The following COMMD1 variants were observed in gnomAD, a reference collection of about 807,000 sequenced individuals.
The protein encoded by COMMD1 is copper metabolism domain containing 1.
A neutral mutation model predicts 17.2 loss-of-function variants in COMMD1; 10 were observed. That is an observed-to-expected ratio of 0.58 (90% confidence interval 0.36 to 0.99). COMMD1 has a LOEUF of 0.99. Ranked by LOEUF, COMMD1 falls within the 50% of genes least tolerant of loss-of-function variation. The pLI is 0.01. For missense variants in COMMD1, 270 were observed against 231.8 expected, an observed-to-expected ratio of 1.17 and a Z score of -1.07; for synonymous variants, 97 against 91.6, an observed-to-expected ratio of 1.06 and a Z score of -0.34.
Position 61,924,498 on chromosome 2 carries a change from C to G in COMMD1, c.180+18640C>G, listed in dbSNP as rs536810869. On this transcript the variant is annotated intron_variant, in intron 1 of 2. Transcript: ENST00000311832. ...CGAGGAGGGGAGAAATCAGCCAGAT[C>G]AAAGGAGGAGAAGTCGTCGGCTAGG... is the stretch of plus-strand genomic sequence containing the variant. Among the ~76,000 whole-genome samples, 6 of 151,834 alleles carry G rather than the reference C, an allele frequency of 4.0e-5. No homozygotes were observed. The East Asian group carries it at 9.7e-4, about 25-fold the overall frequency.
intron 1 of COMMD1, chr2:61,918,439 C>T (rs1208748564): frequency 1.3e-5 from 2 of 152,266 alleles, no homozygotes; most frequent in East Asian, 3.9e-4. Flanking sequence ...GCAGATTACC[C>T]ACCTGGGATT....
At chr2:61,915,721 T>G in intron 1 of COMMD1, 1 of 453,510 alleles carries the variant, frequency 2.2e-6, no homozygotes, top group Non-Finnish European at 4.4e-6. Flanking sequence ...GGTCTCAAAT[T>G]CCTGGGCTTA....
At chr2:61,900,601 G>A (rs940954504) in intron 1 of COMMD1, among the ~76,000 whole-genome samples, 2 of 152,186 alleles carry the variant, frequency 1.3e-5, no homozygotes, top group African/African-American at 4.8e-5. Context: ...AAGGGAGGAA[G>A]TAGAAGGATG....
intron 1 of COMMD1, among the ~76,000 whole-genome samples, chr2:61,969,392 T>C (rs1671589239): frequency 6.6e-6 from 1 of 152,162 alleles, no homozygotes; most frequent in Non-Finnish European, 1.5e-5. Flanking sequence ...TTACTAACAA[T>C]AGTCACCAGA....
chr2:62,108,556 G>A (rs1672376173), intron 2 of COMMD1, among the ~76,000 whole-genome samples: 1 of 152,212 alleles, frequency 6.6e-6, no homozygotes, highest in East Asian at 1.9e-4. Flanking sequence ...GGTTTTTAAG[G>A]CAGATTTCTC....
At chr2:62,100,275 A>G (rs1455195829) in intron 2 of COMMD1, 1 of 152,178 alleles carries the variant, frequency 6.6e-6, no homozygotes, top group Non-Finnish European at 1.5e-5. Flanking sequence ...CAACTCCTTC[A>G]GGGTCCTGAG....
At chr2:62,076,840 A>G (rs1671349559) in intron 2 of COMMD1, among the ~76,000 whole-genome samples, 1 of 152,182 alleles carries the variant, frequency 6.6e-6, no homozygotes. Context: ...GTATTTATTA[A>G]GAGTATTTAG....
upstream of COMMD1, among the ~76,000 whole-genome samples, chr2:61,900,918 G>C (rs552861108): frequency 6.6e-6 from 1 of 152,140 alleles, no homozygotes; most frequent in East Asian, 1.9e-4. Flanking sequence ...AGTGGACATG[G>C]AAAATAAAAA....
chr2:62,078,267 G>T lies in COMMD1; in HGVS notation c.463-57564G>T, dbSNP rs1324417366. On this transcript the variant is annotated intron_variant, in intron 2 of 2. Transcript: ENST00000311832. ...AAAAAAAAAAAAAAAAAAAAAAAAA[G>T]GTGGAGCCGGGCACGGTAGCTCATG... Among the ~76,000 whole-genome samples, 4 of 126,688 alleles carry T rather than the reference G, an allele frequency of 3.2e-5. No homozygotes were observed. In the East Asian group the frequency reaches 9.8e-4, roughly 31 times the overall value. 83.1% of individuals were successfully genotyped at this position (126,688 alleles called of 152,430 possible).
intron 2 of COMMD1, among the ~76,000 whole-genome samples, chr2:62,129,735 CCTCTTT>C: frequency 6.6e-6 from 1 of 152,304 alleles, no homozygotes; most frequent in Admixed American, 6.5e-5. Flanking sequence ...TCTCCCTCTT[CCTCTTT>C]CTCTCTTTCT....
At chr2:61,939,012 T>A (rs920410204) in intron 1 of COMMD1, among the ~76,000 whole-genome samples, 4 of 152,134 alleles carry the variant, frequency 2.6e-5, no homozygotes, top group Admixed American at 2.6e-4. Context: ...AAAGTTAGTG[T>A]CAAGTGTTAC....
chr2:62,088,468 A>G (rs1671732067), intron 2 of COMMD1, among the ~76,000 whole-genome samples: 1 of 152,188 alleles, frequency 6.6e-6, no homozygotes. Context: ...AGTTAATGGC[A>G]TTGCGATCAA....
intron 1 of COMMD1, among the ~76,000 whole-genome samples, chr2:61,935,467 A>G (rs1670581186): frequency 6.6e-6 from 1 of 152,068 alleles, no homozygotes; most frequent in African/African-American, 2.4e-5. Flanking sequence ...CATCTCTACA[A>G]AAATACAAAA....
At chr2:62,115,312 G>A (rs1202541482) in intron 2 of COMMD1, among the ~76,000 whole-genome samples, 3 of 152,246 alleles carry the variant, frequency 2.0e-5, no homozygotes, top group Non-Finnish European at 4.4e-5. Context: ...CGCACACATA[G>A]TGTGCAATAT....
At chr2:61,928,983 G>C (rs1670396028) in intron 1 of COMMD1, among the ~76,000 whole-genome samples, 1 of 152,188 alleles carries the variant, frequency 6.6e-6, no homozygotes, top group Admixed American at 6.5e-5. Flanking sequence ...TTCCATGAGG[G>C]AAGGGTAAGG....
chr2:61,917,476 A>T (rs1670079386), intron 1 of COMMD1, among the ~76,000 whole-genome samples: 1 of 152,104 alleles, frequency 6.6e-6, no homozygotes, highest in Admixed American at 6.6e-5. Flanking sequence ...TATTAATATT[A>T]TCATGTATTA....
chr2:61,940,402 AT>A (rs1318234635), intron 1 of COMMD1, among the ~76,000 whole-genome samples: 1 of 152,132 alleles, frequency 6.6e-6, no homozygotes, highest in Non-Finnish European at 1.5e-5. Flanking sequence ...AACATCTCAG[AT>A]TTCATAATTC....
intron 1 of COMMD1, among the ~76,000 whole-genome samples, chr2:61,922,875 T>C (rs1353112044): frequency 2.0e-5 from 3 of 152,236 alleles, no homozygotes; most frequent in African/African-American, 4.8e-5. Context: ...AGAACCACCA[T>C]TGACTTTGCT....
chr2:61,927,743 G>A (rs1464375455), intron 1 of COMMD1, among the ~76,000 whole-genome samples: 3 of 151,450 alleles, frequency 2.0e-5, no homozygotes, highest in Non-Finnish European at 4.4e-5. Context: ...GAGACCTAGT[G>A]GAGTAGCTTA....
Sources: gnomAD v4.1 joint callset for allele counts (sites outside exome capture counted in the v4.1 genomes callset) on GRCh38, gnomAD v4.1.1 for gene constraint, MANE v1.5 for transcripts, NCBI Gene and HGNC (gene_info 2026-07-23, HGNC 2026-07-21) for gene names.